The following STK10 variants were observed in gnomAD, a reference collection of about 807,000 sequenced individuals.
The protein encoded by STK10 is serine/threonine-protein kinase 10.
Under a neutral mutation model 113.8 loss-of-function variants are expected in STK10, and 78 were observed. That is an observed-to-expected ratio of 0.69 (90% confidence interval 0.57 to 0.83). STK10 has a LOEUF of 0.83. STK10 is among the 40% of genes least tolerant of loss of function. STK10 has a pLI of 0.00. For missense variants in STK10, 1,109 were observed against 1,280.1 expected (o/e 0.87, Z 2.04); for synonymous variants, 465 against 494.7 (o/e 0.94, Z 0.80).
At chr5:172,128,550 C>G (rs564660503) in intron 2 of STK10, among the ~76,000 whole-genome samples, 1 of 152,292 alleles carries the variant, frequency 6.6e-6, no homozygotes, top group African/African-American at 2.4e-5. Flanking sequence ...AGGCTGGTCT[C>G]AAACATCTGA....
At chr5:172,055,813 C>T (rs1166621476) in intron 15 of STK10, 37 bp from the exon 16 acceptor site, 2 of 1,406,702 alleles carry the variant, frequency 1.4e-6, no homozygotes, top group African/African-American at 1.5e-5. Context: ...AGGGCAGCTG[C>T]ACTCTGGACT....
chr5:172,130,485 C>T (rs989394480), intron 2 of STK10, among the ~76,000 whole-genome samples: 10 of 150,962 alleles, frequency 6.6e-5, no homozygotes, highest in African/African-American at 2.2e-4. Flanking sequence ...GAGCGGAGAT[C>T]ACACCACAGC....
intron 18 of STK10, among the ~76,000 whole-genome samples, chr5:172,050,450 G>A (rs142288824): frequency 6.6e-6 from 1 of 152,264 alleles, no homozygotes; most frequent in African/African-American, 2.4e-5. Flanking sequence ...CCAGCTACTT[G>A]GGAGGCTGAG....
chr5:172,138,034 C>G (rs1769903494), intron 2 of STK10, among the ~76,000 whole-genome samples: 1 of 152,088 alleles, frequency 6.6e-6, no homozygotes, highest in Non-Finnish European at 1.5e-5. Context: ...CACTCCTATA[C>G]AACATAGCAC....
At chr5:172,076,801 G>A (rs914462290) in intron 12 of STK10, among the ~76,000 whole-genome samples, 1 of 152,124 alleles carries the variant, frequency 6.6e-6, no homozygotes. Context: ...AATGCCTTTC[G>A]ACAGCACCAT....
intron 2 of STK10, among the ~76,000 whole-genome samples, chr5:172,147,396 C>CTT (rs34461452): frequency 1.4e-5 from 2 of 145,316 alleles, no homozygotes; most frequent in African/African-American, 2.5e-5. Context: ...TTCTTTCTTT[C>CTT]TTTTTTTTTT....
At chr5:172,144,295 G>A (rs1026576723) in intron 2 of STK10, among the ~76,000 whole-genome samples, 2 of 152,228 alleles carry the variant, frequency 1.3e-5, no homozygotes, top group Admixed American at 1.3e-4. Flanking sequence ...GTTTCTTCCT[G>A]CGGAAGCAGA....
chr5:172,051,487 T>C (rs891101350), intron 18 of STK10, among the ~76,000 whole-genome samples: 6 of 149,904 alleles, frequency 4.0e-5, no homozygotes, highest in Non-Finnish European at 8.9e-5. Context: ...TAGCCAGGCA[T>C]AGTGGCATGT....
At position 172,049,092 on chromosome 5, in the gene STK10, A is replaced by G. The variant is rs1767569379; in HGVS notation, c.2766+3837T>C. Reference sequence around the variant, plus strand: ...AGCAGCCTCACTTTGTGACCCCCCCATGCTGTTTCCCTCCCTGCTTCTTGG... The same window carrying G: ...AGCAGCCTCACTTTGTGACCCCCCCGTGCTGTTTCCCTCCCTGCTTCTTGG... On this transcript the variant is annotated intron_variant, in intron 18 of 18. Coordinates refer to ENST00000176763, the MANE Select transcript of STK10 (RefSeq NM_005990.4). Among the ~76,000 whole-genome samples the G allele has an allele frequency of 2.0e-5, 3 of 151,624 alleles. No individual in the cohort carries two copies. The South Asian group carries it at 6.2e-4, about 32-fold the overall frequency.
intron 2 of STK10, among the ~76,000 whole-genome samples, chr5:172,143,516 C>T (rs1330797024): frequency 2.6e-5 from 4 of 152,164 alleles, no homozygotes; most frequent in African/African-American, 9.7e-5. Context: ...CCTGGGTACA[C>T]AAAGGTGCTC....
chr5:172,087,107 A>AGTGTGTGTGTGT (rs201052929), intron 10 of STK10, among the ~76,000 whole-genome samples: 3,663 of 128,894 alleles, frequency 0.028, 90 homozygotes, highest in African/African-American at 0.03. Context: ...AGATGACACC[A>AGTGTGTGTGTGT]GTGTGTGTGT....
intron 1 of STK10, among the ~76,000 whole-genome samples, chr5:172,176,277 C>T (rs984371496): frequency 3.9e-5 from 6 of 152,180 alleles, no homozygotes; most frequent in Admixed American, 6.5e-5. Context: ...ACCTCTGATC[C>T]GCAGCAGACA....
At chr5:172,175,834 A>G (rs1770749305) in intron 1 of STK10, among the ~76,000 whole-genome samples, 1 of 152,206 alleles carries the variant, frequency 6.6e-6, no homozygotes, top group South Asian at 2.1e-4. Flanking sequence ...TGCCAAAAAA[A>G]AGCTATGTGA....
chr5:172,149,197 A>T (rs1237619304), intron 2 of STK10, among the ~76,000 whole-genome samples: 2 of 152,130 alleles, frequency 1.3e-5, no homozygotes, highest in Non-Finnish European at 2.9e-5. Context: ...CAGAACTGTG[A>T]GGATTTGGTG....
intron 12 of STK10, among the ~76,000 whole-genome samples, chr5:172,066,419 C>T (rs1768070441): frequency 6.6e-6 from 1 of 152,050 alleles, no homozygotes; most frequent in African/African-American, 2.4e-5. Context: ...CTGTAAGAAA[C>T]CTTGTGTTTC....
At chr5:172,147,448 G>A (rs1437454312) in intron 2 of STK10, among the ~76,000 whole-genome samples, 1 of 151,848 alleles carries the variant, frequency 6.6e-6, no homozygotes, top group African/African-American at 2.4e-5. Context: ...CTGGAGGGCA[G>A]TGGCACAATC....
rs556560578 is a variant in STK10 at position 172,093,783 on chromosome 5, C to G, written c.1183G>C (p.Val395Leu). ...CCGTTCTCATTTCCAGGGGCCACGACTGGGGGACTGGTGGTTTGGAGGGAT... is the reference window on the plus strand; with the variant it reads ...CCGTTCTCATTTCCAGGGGCCACGAGTGGGGGACTGGTGGTTTGGAGGGAT... ...DRSLQTTSPP[V>L]VAPGNENGLA... Residue 395 changes from valine (V) to leucine (L), a missense_variant, in exon 9 of 19, where the codon GTC becomes CTC. By Grantham distance (32) the Val-to-Leu change is conservative. Coordinates refer to ENST00000176763, the MANE Select transcript of STK10 (RefSeq NM_005990.4). The surrounding 1 kb of genome is among the most constrained non-coding windows in gnomAD (Gnocchi z 4.1). The G allele has an allele frequency of 1.2e-6, 2 of 1,609,302 alleles. No homozygotes were observed. Among genetic ancestry groups the G allele is most frequent in the African/African-American group, 2.7e-5 (2 of 74,992 alleles).
intron 4 of STK10, chr5:172,114,473 A>ATATTTTT (rs1226289994): frequency 3.6e-4 from 17 of 47,540 alleles, no homozygotes; most frequent in African/African-American, 1.3e-3. Flanking sequence ...ATATATATAT[A>ATATTTTT]TTTTTTTTTT....
At chr5:172,095,806 C>T (rs1412288138) in intron 8 of STK10, among the ~76,000 whole-genome samples, 1 of 152,232 alleles carries the variant, frequency 6.6e-6, no homozygotes, top group Non-Finnish European at 1.5e-5. Flanking sequence ...GGATGGCCAC[C>T]CTATCCCTGG....
Sources: gnomAD v4.1 joint callset for allele counts (sites outside exome capture counted in the v4.1 genomes callset) on GRCh38, gnomAD v4.1.1 for gene constraint, Gnocchi (gnomAD v3.1) non-coding constraint, MANE v1.5 for transcripts, NCBI Gene and HGNC (gene_info 2026-07-23, HGNC 2026-07-21) for gene names.